ARHGAP12: variants seen among roughly 807,000 people sequenced by gnomAD.
ARHGAP12 encodes rho GTPase-activating protein 12.
A neutral mutation model predicts 108.6 loss-of-function variants in ARHGAP12; 64 were observed. The observed-to-expected ratio is 0.59, with a 90% CI of 0.48 to 0.73. The LOEUF (loss-of-function observed/expected upper bound fraction) is 0.73, where lower values mean the gene tolerates loss of function less well. Ranked by LOEUF, ARHGAP12 falls within the 30% of genes least tolerant of loss-of-function variation. The pLI, the probability that ARHGAP12 is intolerant of heterozygous loss-of-function variation, is 0.00. For synonymous variants in ARHGAP12, 312 were observed against 337.2 expected (o/e 0.93, Z 0.82); for missense variants, 940 against 1,005.9 (o/e 0.93, Z 0.89).
chr10:31,890,806 C>T (rs1838395087), intron 3 of ARHGAP12, among the ~76,000 whole-genome samples: 1 of 152,136 alleles, frequency 6.6e-6, no homozygotes, highest in Non-Finnish European at 1.5e-5. Flanking sequence ...TATACCTAAT[C>T]CTGAATTAAC....
chr10:31,865,261 G>C (rs763362524), intron 3 of ARHGAP12, among the ~76,000 whole-genome samples: 14 of 152,070 alleles, frequency 9.2e-5, no homozygotes, highest in Non-Finnish European at 1.9e-4. Context: ...TAGGAGGTTG[G>C]TACAGTAGTA....
intron 9 of ARHGAP12, among the ~76,000 whole-genome samples, chr10:31,834,026 G>A (rs996191625): frequency 6.6e-6 from 1 of 152,012 alleles, no homozygotes; most frequent in African/African-American, 2.4e-5. Flanking sequence ...CAGAGAAAAG[G>A]GGCCCAATTT....
At chr10:31,877,943 G>C (rs1234323612) in intron 3 of ARHGAP12, among the ~76,000 whole-genome samples, 1 of 152,132 alleles carries the variant, frequency 6.6e-6, no homozygotes, top group Non-Finnish European at 1.5e-5. Flanking sequence ...AATTAACTGG[G>C]TGTGGTGACA....
At chr10:31,922,180 CAAAAA>C (rs56210740) in intron 1 of ARHGAP12, among the ~76,000 whole-genome samples, 1 of 66,118 alleles carries the variant, frequency 1.5e-5, no homozygotes, top group Admixed American at 1.8e-4. Flanking sequence ...GACCCTGCCT[CAAAAA>C]AAAAAAAAAA....
At chr10:31,852,670 C>G in intron 5 of ARHGAP12, 73 bp from the exon 6 acceptor site, 1 of 841,600 alleles carries the variant, frequency 1.2e-6, no homozygotes. Flanking sequence ...ATCAGAGATA[C>G]TAGATTTAAT....
At chr10:31,876,463 C>T (rs1054104242) in intron 3 of ARHGAP12, among the ~76,000 whole-genome samples, 4 of 151,310 alleles carry the variant, frequency 2.6e-5, no homozygotes, top group Non-Finnish European at 5.9e-5. Flanking sequence ...TGAGCCAAAA[C>T]GGCACCACTG....
At chr10:31,886,680 T>C (rs1238769304) in intron 3 of ARHGAP12, among the ~76,000 whole-genome samples, 2 of 152,204 alleles carry the variant, frequency 1.3e-5, no homozygotes, top group Admixed American at 6.5e-5. Context: ...AGTCCTTTTT[T>C]GGGGTACTAG....
At chr10:31,915,177 G>A (rs1439583959) in intron 1 of ARHGAP12, among the ~76,000 whole-genome samples, 5 of 152,052 alleles carry the variant, frequency 3.3e-5, no homozygotes, top group African/African-American at 4.8e-5. Flanking sequence ...ACCTGAGGTC[G>A]GGGGTTCGAG....
At chr10:31,817,298 T>C (rs570373335) in intron 13 of ARHGAP12, among the ~76,000 whole-genome samples, 1 of 152,142 alleles carries the variant, frequency 6.6e-6, no homozygotes, top group African/African-American at 2.4e-5. Flanking sequence ...GGTTGTTGTA[T>C]ATAAAGAAGA....
intron 3 of ARHGAP12, among the ~76,000 whole-genome samples, chr10:31,881,280 C>T (rs1837945906): frequency 1.3e-5 from 2 of 151,414 alleles, no homozygotes; most frequent in Non-Finnish European, 2.9e-5. Flanking sequence ...AAAACAAAAA[C>T]TTGCCTAAAG....
At chr10:31,903,423 A>G (rs1839005759) in intron 3 of ARHGAP12, among the ~76,000 whole-genome samples, 1 of 152,202 alleles carries the variant, frequency 6.6e-6, no homozygotes, top group Non-Finnish European at 1.5e-5. Flanking sequence ...ATACACACAC[A>G]CATACACAAC....
Position 31,908,187 on chromosome 10 carries a change from G to A in ARHGAP12, c.669C>T (p.Ser223=). The change falls in exon 3 of 20, where the codon TCC becomes TCT. Residue 223 remains serine, a synonymous_variant. Coordinates refer to ENST00000344936, the MANE Select transcript of ARHGAP12 (RefSeq NM_018287.7). ...TTAATCTTACCCTTATCTGTTCAGTGGAGCTGCTGCTAAGTTCATCACCAG... is the reference window on the plus strand; with the variant it reads ...TTAATCTTACCCTTATCTGTTCAGTAGAGCTGCTGCTAAGTTCATCACCAG... The part of the protein sequence containing the change: ...SESGDELSSS[S]TEQIRATTPP... 6.2e-7 allele frequency: 1 copy of A among 1,604,068 alleles called. No homozygotes were observed. Among genetic ancestry groups the A allele is most frequent in the Non-Finnish European group, 8.5e-7 (1 of 1,175,520 alleles).
At chr10:31,858,359 T>C (rs957884812) in intron 4 of ARHGAP12, among the ~76,000 whole-genome samples, 2 of 152,056 alleles carry the variant, frequency 1.3e-5, no homozygotes, top group African/African-American at 4.8e-5. Flanking sequence ...ACAGCACACA[T>C]AGATCCTATA....
rs181897357 is a variant in ARHGAP12, at chr10:31,854,209, A to G, written c.949-3T>C. On this transcript the variant is annotated splice_polypyrimidine_tract_variant and splice_region_variant and intron_variant, in intron 4 of 19. Coordinates refer to ENST00000344936, the MANE Select transcript of ARHGAP12 (RefSeq NM_018287.7). ...TAGTTTTCTTCCGATGAAAGAAGCT[A>G]CAAATAGTCAGAAACATAAGGATTT... The G allele has an allele frequency of 1.9e-6, 3 of 1,598,248 alleles. No homozygotes were observed. The highest frequency in any genetic ancestry group is 2.7e-5 in the African/African-American group (2 of 74,116).
intron 1 of ARHGAP12, among the ~76,000 whole-genome samples, chr10:31,915,897 T>C (rs951801414): frequency 3.9e-5 from 6 of 152,212 alleles, no homozygotes; most frequent in African/African-American, 1.4e-4. Flanking sequence ...TCTACAAATG[T>C]GTGAATAATT....
intron 4 of ARHGAP12, among the ~76,000 whole-genome samples, chr10:31,861,129 A>T (rs928106088): frequency 1.5e-4 from 23 of 152,206 alleles, no homozygotes; most frequent in Non-Finnish European, 2.9e-4. Flanking sequence ...ATGTTCTAAG[A>T]CATAAGGGGG....
chr10:31,828,673 A>G (rs1835716029), intron 10 of ARHGAP12, among the ~76,000 whole-genome samples: 1 of 152,206 alleles, frequency 6.6e-6, no homozygotes, highest in African/African-American at 2.4e-5. Flanking sequence ...TGCGTGACTT[A>G]GTTGCAAGGT....
At chr10:31,924,508 T>C (rs1446959008) in intron 1 of ARHGAP12, among the ~76,000 whole-genome samples, 2 of 152,226 alleles carry the variant, frequency 1.3e-5, no homozygotes, top group East Asian at 3.9e-4. Flanking sequence ...CTTCTGTGTC[T>C]GACATGTTTC....
intron 3 of ARHGAP12, among the ~76,000 whole-genome samples, chr10:31,879,597 A>G (rs1373469726): frequency 1.3e-5 from 2 of 152,152 alleles, no homozygotes; most frequent in African/African-American, 4.8e-5. Context: ...TCTTCCCCAA[A>G]TATTTCTCCT....
Sources: allele counts gnomAD v4.1 joint callset (sites outside exome capture counted in the v4.1 genomes callset), GRCh38; gene constraint gnomAD v4.1.1; transcripts MANE v1.5; gene names NCBI Gene and HGNC (gene_info 2026-07-23, HGNC 2026-07-21).